PTPN18: variants seen among roughly 807,000 people sequenced by gnomAD.
PTPN18 encodes protein tyrosine phosphatase non-receptor type 18.
Under a neutral mutation model 65.4 loss-of-function variants are expected in PTPN18, and 65 were observed. The ratio of observed to expected loss-of-function variants is 0.99; its 90% CI spans 0.81 to 1.22. The LOEUF (loss-of-function observed/expected upper bound fraction) is 1.22, where lower values mean the gene tolerates loss of function less well. PTPN18 is among the 50% of genes most tolerant of loss of function. The pLI, the probability that PTPN18 is intolerant of heterozygous loss-of-function variation, is 0.00. For missense variants in PTPN18, 616 were observed against 646.5 expected, an observed-to-expected ratio of 0.95 and a Z score of 0.51; for synonymous variants, 255 against 267.8, an observed-to-expected ratio of 0.95 and a Z score of 0.47.
intron 5 of PTPN18, chr2:130,368,922 G>GT: frequency 2.0e-6 from 1 of 508,810 alleles, no homozygotes; most frequent in East Asian, 3.2e-5. Flanking sequence ...ATCCTGGACT[G>GT]TATTTCCCCT....
intron 5 of PTPN18, among the ~76,000 whole-genome samples, chr2:130,365,157 A>G (rs574165467): frequency 1.1e-3 from 168 of 152,360 alleles, no homozygotes; most frequent in African/African-American, 3.2e-3. Flanking sequence ...CTGAGTATCA[A>G]TCATTTCCCC....
chr2:130,364,953 C>T (rs996272931), intron 5 of PTPN18, among the ~76,000 whole-genome samples: 5 of 152,152 alleles, frequency 3.3e-5, no homozygotes, highest in East Asian at 1.9e-4. Flanking sequence ...TACCATTTTA[C>T]GTTCCCATCA....
chr2:130,361,982 G>A (rs535339107), intron 5 of PTPN18, among the ~76,000 whole-genome samples: 6 of 150,166 alleles, frequency 4.0e-5, no homozygotes, highest in African/African-American at 1.5e-4. Flanking sequence ...TGTAGGTGGT[G>A]TATTGTAGGG....
chr2:130,370,829 T>C (rs1042498090), intron 10 of PTPN18, 46 bp from the exon 11 acceptor site: 2 of 1,611,970 alleles, frequency 1.2e-6, no homozygotes, highest in East Asian at 2.2e-5. Context: ...CCCACTGCTG[T>C]CATTTGCCCC....
intron 2 of PTPN18, 112 bp downstream of exon 2, chr2:130,359,087 C>G: frequency 6.9e-7 from 1 of 1,448,690 alleles, no homozygotes; most frequent in Non-Finnish European, 9.6e-7. Flanking sequence ...GCCTCACCCT[C>G]TGCACTGCTC....
Position 130,356,119 on chromosome 2 carries a change from C to A in PTPN18, c.12C>A (p.Ser4Arg). 1.1e-5 allele frequency: 14 copies of A among 1,308,770 alleles called. No individual in the cohort carries two copies. Among genetic ancestry groups the A allele is most frequent in the Non-Finnish European group, 1.3e-5 (13 of 1,032,714 alleles). The allele number at this position is 1,308,770 out of a possible 1,614,324, so 81.1% of individuals were successfully genotyped here. A position where few individuals can be genotyped will look rare whatever the true frequency, so the allele number is the denominator to read the frequency against. The part of the protein sequence containing the change: MSR[S>R]LDSARSFLER... Reference sequence around the variant, plus strand: ...TGGCCCGCGGCGCCATGAGCCGCAGCCTGGACTCGGCGCGGAGCTTCCTGG... The same window carrying A: ...TGGCCCGCGGCGCCATGAGCCGCAGACTGGACTCGGCGCGGAGCTTCCTGG... The change falls in exon 1 of 15, where the codon AGC becomes AGA. Residue 4 changes from serine (S) to arginine (R), a missense_variant. Coordinates refer to ENST00000175756, the MANE Select transcript of PTPN18 (RefSeq NM_014369.4).
intron 5 of PTPN18, among the ~76,000 whole-genome samples, chr2:130,362,913 G>T (rs1300667192): frequency 3.3e-5 from 5 of 151,814 alleles, no homozygotes; most frequent in Admixed American, 2.6e-4. Context: ...TCCGCCTCCC[G>T]GGTCCACGCC....
intron 13 of PTPN18, 90 bp from the exon 14 acceptor site, chr2:130,372,783 G>A: frequency 6.7e-7 from 1 of 1,487,942 alleles, no homozygotes; most frequent in Non-Finnish European, 9.2e-7. Flanking sequence ...CTCCCCTTCG[G>A]GCCTCCGGGG....
chr2:130,370,736 TG>T lies in PTPN18; in HGVS notation c.790del (p.Val264SerfsTer4). ...CCACCTGACTTCAGTCTCTTTGATG[TG>T]GTCCTTAAGATGAGGAAGCAGCGGC... Reference protein sequence around the residue: ...MIPPDFSLFDVVLKMRKQRPA... With the variant: ...MIPPDFSLFDXVLKMRKQRPA... On this transcript the variant is annotated frameshift_variant, in exon 10 of 15. Transcript: ENST00000175756. LOFTEE classifies it high-confidence loss of function. The T allele has an allele frequency of 1.2e-6, 2 of 1,614,244 alleles. No homozygotes were observed. Among genetic ancestry groups the T allele is most frequent in the Non-Finnish European group, 1.7e-6 (2 of 1,180,038 alleles).
Position 130,371,286 on chromosome 2 carries a change from A to G in PTPN18, c.1012A>G (p.Arg338Gly). 1 of 1,586,540 alleles carries G rather than the reference A, an allele frequency of 6.3e-7. No homozygotes were observed. Among genetic ancestry groups the G allele is most frequent in the Non-Finnish European group, 8.6e-7 (1 of 1,161,142 alleles). The change falls in exon 12 of 15, where the codon AGG becomes GGG. Residue 338 changes from arginine to glycine, a missense_variant and splice_region_variant. Coordinates refer to ENST00000175756, the MANE Select transcript of PTPN18 (RefSeq NM_014369.4). ...AIPRPPGGVL[R>G]SISVPGSPGH... ...ACCCCGCCCACCAGGAGGGGTCCTC[A>G]GGTACCCGGCTCCATCCCCGGATTC...
rs1266122590 is a variant in PTPN18 at position 130,372,332 on chromosome 2, A to C, written c.1089A>C (p.Pro363=). ...TYAVVQKRGA[P]AGAGSGTQTG... ...CGGTGGTGCAGAAGCGCGGGGCTCC[A>C]GCGGGCGCCGGGAGTGGGACGCAGA... The change falls in exon 13 of 15, where the codon CCA becomes CCC. Residue 363 remains proline, a synonymous_variant. Transcript: ENST00000175756. 5 of 1,433,826 alleles carry C rather than the reference A, an allele frequency of 3.5e-6. No homozygotes were observed. The highest frequency in any genetic ancestry group is 4.5e-6 in the Non-Finnish European group (5 of 1,102,546). 88.8% of individuals were successfully genotyped at this position (1,433,826 alleles called of 1,614,324 possible).
intron 1 of PTPN18, 55 bp from the exon 2 acceptor site, chr2:130,358,812 C>T (rs1680079800): frequency 1.3e-6 from 2 of 1,489,302 alleles, no homozygotes; most frequent in Non-Finnish European, 1.9e-6. Context: ...GGGACTCTGA[C>T]CTGGCTCCTC....
At chr2:130,372,801 C>T in intron 13 of PTPN18, 72 bp from the exon 14 acceptor site, 1 of 1,557,162 alleles carries the variant, frequency 6.4e-7, no homozygotes, top group Non-Finnish European at 8.8e-7. Context: ...GGGAAGCGTC[C>T]CCGCTAGGGG....
rs200002006 is a variant in PTPN18, at chr2:130,371,234, C to G, written c.960C>G (p.Leu320=). The stretch of plus-strand genomic sequence containing the variant: ...CACTCTACGACGATGCCCTCTTCCT[C>G]CGGACTCCCCAGGCACTTCTCGCCA... ...CAPLYDDALF[L]RTPQALLAIP... The change falls in exon 12 of 15, where the codon CTC becomes CTG. Residue 320 remains leucine, a synonymous_variant. Transcript: ENST00000175756. 46 of 1,611,080 alleles carry G rather than the reference C, an allele frequency of 2.9e-5. No homozygotes were observed. The African/African-American group carries it at 4.8e-4, about 17-fold the overall frequency.
At chr2:130,356,451 T>G in intron 1 of PTPN18, 2 of 499,864 alleles carry the variant, frequency 4.0e-6, no homozygotes, top group East Asian at 4.3e-5. Flanking sequence ...ACACCCTCGT[T>G]CCCGGTGTCC....
Position 130,373,182 on chromosome 2 carries a change from G to C in PTPN18, c.1341G>C (p.Pro447=). ...GLGFNLRIGR[P]KGPRDPPAEW... ...GTTTCAACCTGCGCATTGGGAGGCC[G>C]AAGGGTCCCCGGGACCCGCCTGCTG... The change falls in exon 15 of 15, where the codon CCG becomes CCC. Residue 447 remains proline, a synonymous_variant. Coordinates refer to ENST00000175756, the MANE Select transcript of PTPN18 (RefSeq NM_014369.4). This position sits in a 1 kb window ranked among gnomAD's most constrained non-coding sequence, Gnocchi z 4.1. 6.2e-7 allele frequency: 1 copy of C among 1,601,282 alleles called. No homozygotes were observed. The highest frequency in any genetic ancestry group is 8.5e-7 in the Non-Finnish European group (1 of 1,173,636).
At chr2:130,372,760 G>C (rs1680616884) in intron 13 of PTPN18, 113 bp from the exon 14 acceptor site, 1 of 1,310,034 alleles carries the variant, frequency 7.6e-7, no homozygotes, top group Admixed American at 1.9e-5. Context: ...TCTCCCGCCC[G>C]GCGCCCTCGG....
chr2:130,365,789 T>G (rs1680363342), intron 5 of PTPN18, among the ~76,000 whole-genome samples: 1 of 152,240 alleles, frequency 6.6e-6, no homozygotes, highest in Non-Finnish European at 1.5e-5. Context: ...TGCATGTGAC[T>G]ATCCAGTTGT....
Position 130,356,505 on chromosome 2 carries a change from G to A in PTPN18, c.93+305G>A, listed in dbSNP as rs1020843783. On this transcript the variant is annotated intron_variant, in intron 1 of 14. Coordinates refer to ENST00000175756, the MANE Select transcript of PTPN18 (RefSeq NM_014369.4). ...AACCTGGCTGCGGGCGGGACAGGTG[G>A]GGCGGGCGCCGCAGGGGAGGGCGGG... is the stretch of plus-strand genomic sequence containing the variant. 2.6e-4 allele frequency: 139 copies of A among 528,194 alleles called. 7 individuals are homozygous for A. The highest frequency in any genetic ancestry group is 2.2e-3 in the South Asian group (137 of 62,130). 32.7% of individuals were successfully genotyped at this position (528,194 alleles called of 1,614,324 possible).
Sources: gnomAD v4.1 joint callset for allele counts (sites outside exome capture counted in the v4.1 genomes callset) on GRCh38, gnomAD v4.1.1 for gene constraint, Gnocchi (gnomAD v3.1) non-coding constraint, MANE v1.5 for transcripts, NCBI Gene and HGNC (gene_info 2026-07-23, HGNC 2026-07-21) for gene names.